Variants in CACNA1H observed in about 807,000 individuals in gnomAD.
CACNA1H encodes calcium voltage-gated channel subunit alpha1 H.
In CACNA1H, 149 loss-of-function variants were observed where a neutral mutation model predicts 192.5. The ratio of observed to expected loss-of-function variants is 0.77; its 90% CI spans 0.68 to 0.89. CACNA1H has a LOEUF of 0.89. Ranked by LOEUF, CACNA1H falls within the 40% of genes least tolerant of loss-of-function variation. CACNA1H has a pLI of 0.00. For missense variants in CACNA1H, 4,257 were observed against 3,423.5 expected, an observed-to-expected ratio of 1.24 and a Z score of -6.08; for synonymous variants, 2,202 against 1,475.2, an observed-to-expected ratio of 1.49 and a Z score of -11.29.
chr16:1,204,296 A>G lies in CACNA1H; in HGVS notation c.2289A>G (p.Ala763=), dbSNP rs756583472. The G allele has an allele frequency of 1.2e-6, 2 of 1,603,868 alleles. No homozygotes were observed. Among genetic ancestry groups the G allele is most frequent in the South Asian group, 2.2e-5 (2 of 90,424 alleles). The change falls in exon 10 of 35, where the codon GCA becomes GCG. Residue 763 remains alanine (A), a synonymous_variant. Transcript: ENST00000348261. ...GPGPGSPQRR[A]QQRAAPGEPG... ...GCCCAGGCAGCCCCCAGCGGCGGGC[A>G]CAGCAGAGGGCAGCCCCGGGCGAGC...
rs113325005 is a variant in CACNA1H, at chr16:1,169,676, C to T, written c.299+15640C>T. 1.3e-3 allele frequency among the ~76,000 whole-genome samples: 200 copies of T among 152,372 alleles called. 1 individual carries two copies. The highest frequency in any genetic ancestry group is 4.5e-3 in the African/African-American group (188 of 41,590). On this transcript the variant is annotated intron_variant, in intron 2 of 34. Transcript: ENST00000348261. The stretch of plus-strand genomic sequence containing the variant: ...GAGGCCCCAGCCCACTTGTCTGGGT[C>T]GGCCACAGGCCGCTGGGGGCAGCTG...
At chr16:1,175,471 C>A (rs1270624690) in intron 2 of CACNA1H, among the ~76,000 whole-genome samples, 1 of 152,166 alleles carries the variant, frequency 6.6e-6, no homozygotes, top group African/African-American at 2.4e-5. Flanking sequence ...CCTGCTGGGC[C>A]CTGGCCTGGG....
At position 1,206,085 on chromosome 16, in the gene CACNA1H, C is replaced by A; in HGVS notation, c.2604-19C>A. 6.5e-7 allele frequency: 1 copy of A among 1,548,784 alleles called. No individual in the cohort carries two copies. Among genetic ancestry groups the A allele is most frequent in the Non-Finnish European group, 8.7e-7 (1 of 1,150,068 alleles). ...CAGGGATCGTGGCCCCGCTGACCCTCGCCCCCACCTGTCCGCAGCGTCTGG... is the reference window on the plus strand; with the variant it reads ...CAGGGATCGTGGCCCCGCTGACCCTAGCCCCCACCTGTCCGCAGCGTCTGG... On this transcript the variant is annotated intron_variant, in intron 11 of 34. Transcript: ENST00000348261.
rs771352605 is a variant in CACNA1H at position 1,221,749 on chromosome 16, ATAGTAACT to A, written c.*758_*765del. ...AGAGGGAGGGGGCGGAGCGGAATAA[ATAGTAACT>A]TATTTAAGAAATGCACTTGGATTCC... On this transcript the variant is annotated 3_prime_UTR_variant, in exon 35 of 35. Transcript: ENST00000348261. 1 of 1,554,924 alleles carries A rather than the reference ATAGTAACT, an allele frequency of 6.4e-7. No homozygotes were observed. The highest frequency in any genetic ancestry group is 8.7e-7 in the Non-Finnish European group (1 of 1,147,236).
intron 2 of CACNA1H, among the ~76,000 whole-genome samples, chr16:1,172,008 G>C (rs2151710561): frequency 6.6e-6 from 1 of 152,346 alleles, no homozygotes; most frequent in East Asian, 1.9e-4. Context: ...CCCGCCAGGT[G>C]CTGTGGAGTC....
chr16:1,209,482 GTTTGAGATGGGATT>G lies in CACNA1H; in HGVS notation c.3744+71_3744+84del, dbSNP rs1969168719. On this transcript the variant is annotated intron_variant, in intron 17 of 34. Transcript: ENST00000348261. ...TCTGGGGCAGGTTCCCTCAAGTGGGGTTTGAGATGGGATTCAGGGCGTGTTGTTGACTGAGGGGA... is the reference window on the plus strand; with the variant it reads ...TCTGGGGCAGGTTCCCTCAAGTGGGGCAGGGCGTGTTGTTGACTGAGGGGA... 1.9e-6 allele frequency: 3 copies of G among 1,558,250 alleles called. No homozygotes were observed. The Admixed American group carries it at 5.2e-5, about 27-fold the overall frequency.
Position 1,218,385 on chromosome 16 carries a change from C to G in CACNA1H, c.5621C>G (p.Ala1874Gly), listed in dbSNP as rs374807892. ...EESNKEARED[A>G]ELDAEIELEM... ...AGCAACAAGGAGGCACGGGAGGATG[C>G]GGAGCTGGACGCCGAGATCGAGCTG... Residue 1874 changes from alanine (A) to glycine (G), a missense_variant, in exon 33 of 35, where the codon GCG (alanine) becomes GGG (glycine). By Grantham distance (60) the Ala-to-Gly change is moderately conservative. Transcript: ENST00000348261. The G allele has an allele frequency of 6.4e-7, 1 of 1,559,914 alleles. No homozygotes were observed. Among genetic ancestry groups the G allele is most frequent in the South Asian group, 1.2e-5 (1 of 84,466 alleles).
At chr16:1,195,805 C>T (rs1421891768) in intron 4 of CACNA1H, 121 bp from the exon 5 acceptor site, 5 of 931,760 alleles carry the variant, frequency 5.4e-6, no homozygotes, top group South Asian at 1.4e-5. Context: ...CTGGCCAGTA[C>T]AAGGTCCTCC....
chr16:1,219,883 CCT>C (rs1371815417), intron 34 of CACNA1H, 96 bp from the exon 35 acceptor site: 23 of 982,846 alleles, frequency 2.3e-5, no homozygotes, highest in Non-Finnish European at 3.1e-5. Flanking sequence ...CCCAGTTTGG[CCT>C]CTCCAGTACC....
In CACNA1H at chr16:1,220,607, C is replaced by A; in HGVS notation, c.6675C>A (p.Ala2225=). The stretch of plus-strand genomic sequence containing the variant: ...GGCGCAGGACCCCGTCCTGTGAGGC[C>A]ACGCCTCACAGGGACTCCCTGGAGC... ...TLRRRTPSCE[A]TPHRDSLEPT... The change falls in exon 35 of 35, where the codon GCC becomes GCA. Residue 2225 remains alanine, a synonymous_variant. Coordinates refer to ENST00000348261, the MANE Select transcript of CACNA1H (RefSeq NM_021098.3). 1 of 1,565,838 alleles carries A rather than the reference C, an allele frequency of 6.4e-7. No individual in the cohort carries two copies. Among genetic ancestry groups the A allele is most frequent in the South Asian group, 1.2e-5 (1 of 83,988 alleles).
intron 2 of CACNA1H, among the ~76,000 whole-genome samples, chr16:1,179,522 G>A (rs1277857130): frequency 4.6e-5 from 7 of 152,076 alleles, no homozygotes; most frequent in Non-Finnish European, 8.8e-5. Flanking sequence ...TCCGCCTCCC[G>A]GGTTCAAGCG....
At chr16:1,182,878 G>A (rs1965612218) in intron 2 of CACNA1H, among the ~76,000 whole-genome samples, 1 of 152,042 alleles carries the variant, frequency 6.6e-6, no homozygotes, top group Non-Finnish European at 1.5e-5. Flanking sequence ...CTGGAGCTGA[G>A]TCCTGAGTCC....
chr16:1,202,067 C>G lies in CACNA1H; in HGVS notation c.1617C>G (p.Pro539=). 1 of 1,539,874 alleles carries G rather than the reference C, an allele frequency of 6.5e-7. No homozygotes were observed. Among genetic ancestry groups the G allele is most frequent in the Non-Finnish European group, 8.7e-7 (1 of 1,144,750 alleles). The stretch of plus-strand genomic sequence containing the variant: ...TCAGCCATGGCAGCCCCCGCAGGCC[C>G]GGCCCCGAGCCAGGCGCCTGCGACA... ...YHFSHGSPRR[P]GPEPGACDTR... Residue 539 remains proline (P), a synonymous_variant, in exon 9 of 35, where the codon CCC becomes CCG. Coordinates refer to ENST00000348261, the MANE Select transcript of CACNA1H (RefSeq NM_021098.3).
intron 33 of CACNA1H, 127 bp from the exon 34 acceptor site, chr16:1,218,843 G>A (rs905559602): frequency 4.2e-6 from 5 of 1,182,422 alleles, no homozygotes; most frequent in Non-Finnish European, 6.0e-6. Flanking sequence ...AGGTGAGAGA[G>A]AGGACGGGTC....
Position 1,153,966 on chromosome 16 carries a change from G to C in CACNA1H, c.229G>C (p.Ala77Pro), listed in dbSNP as rs1428706132. Residue 77 changes from alanine to proline, a missense_variant, in exon 2 of 35, where the codon GCC (alanine) becomes CCC (proline). Transcript: ENST00000348261. ...GCGCGTCCCGTACCCGGCCTTGGCG[G>C]CCACGGTCTTCTTCTGCCTCGGTCA... is the stretch of plus-strand genomic sequence containing the variant. ...EQRVPYPALA[A>P]TVFFCLGQTT... 6.9e-7 allele frequency: 1 copy of C among 1,449,952 alleles called. No individual in the cohort carries two copies. Among genetic ancestry groups the C allele is most frequent in the East Asian group, 3.1e-5 (1 of 32,544 alleles). 89.8% of individuals were successfully genotyped at this position (1,449,952 alleles called of 1,614,324 possible). A position where few individuals can be genotyped will look rare whatever the true frequency, so the allele number is the denominator to read the frequency against.
chr16:1,200,282 C>G lies in CACNA1H; in HGVS notation c.830C>G (p.Pro277Arg). The change falls in exon 7 of 35, where the codon CCG becomes CGG. Residue 277 changes from proline to arginine, a missense_variant. By Grantham distance (103) the Pro-to-Arg change is moderately radical. Transcript: ENST00000348261. ...VRNNNLTFLRPYYQTEEGEEN... is the reference protein window; with the variant it reads ...VRNNNLTFLRRYYQTEEGEEN... Reference sequence around the variant, plus strand: ...AACAACAACCTGACCTTCCTGCGGCCGTACTACCAGACGGAGGAGGGCGAG... The same window carrying G: ...AACAACAACCTGACCTTCCTGCGGCGGTACTACCAGACGGAGGAGGGCGAG... The G allele has an allele frequency of 1.2e-6, 2 of 1,602,762 alleles. No individual in the cohort carries two copies. Among genetic ancestry groups the G allele is most frequent in the Non-Finnish European group, 1.7e-6 (2 of 1,174,478 alleles).
At chr16:1,211,340 G>A (rs369268913) in intron 22 of CACNA1H, 46 bp downstream of exon 22, 2 of 1,610,328 alleles carry the variant, frequency 1.2e-6, no homozygotes, top group Non-Finnish European at 1.7e-6. Context: ...TCGCAGACAG[G>A]GTCTGCCTTC....
chr16:1,155,363 G>A (rs1033534050), intron 2 of CACNA1H, among the ~76,000 whole-genome samples: 5 of 152,222 alleles, frequency 3.3e-5, no homozygotes, highest in African/African-American at 7.2e-5. Context: ...GTGCAGGCCC[G>A]GCCTTGAAGA....
chr16:1,154,429 C>T (rs908108135), intron 2 of CACNA1H, among the ~76,000 whole-genome samples: 2 of 152,118 alleles, frequency 1.3e-5, no homozygotes, highest in Admixed American at 1.3e-4. Flanking sequence ...AAGGTCCTGC[C>T]CGAGGCAGGC....
Sources: gnomAD v4.1 joint callset for allele counts (sites outside exome capture counted in the v4.1 genomes callset) on GRCh38, gnomAD v4.1.1 for gene constraint, MANE v1.5 for transcripts, NCBI Gene and HGNC (gene_info 2026-07-23, HGNC 2026-07-21) for gene names.